KDM6A: variants seen among roughly 807,000 people sequenced by gnomAD.
KDM6A encodes lysine-specific demethylase 6A.
Under a neutral mutation model 117.6 loss-of-function variants are expected in KDM6A, and 11 were observed. The observed-to-expected ratio is 0.09, with a 90% CI of 0.06 to 0.15. KDM6A has a LOEUF of 0.15. Ranked by LOEUF, KDM6A falls within the 10% of genes least tolerant of loss-of-function variation. KDM6A has a pLI of 1.00. For missense variants in KDM6A, 799 were observed against 1,077.3 expected, an observed-to-expected ratio of 0.74 and a Z score of 3.62; for synonymous variants, 384 against 396.1, an observed-to-expected ratio of 0.97 and a Z score of 0.36.
chrX:44,875,125 T>C (rs1347844084), intron 2 of KDM6A, among the ~76,000 whole-genome samples: 1 of 112,453 alleles, frequency 8.9e-6, no homozygotes, highest in Non-Finnish European at 1.9e-5. Flanking sequence ...GAGTGTGTGC[T>C]ATGGGTGTTG....
chrX:44,898,422 G>A (rs2034061268), intron 2 of KDM6A, among the ~76,000 whole-genome samples: 1 of 111,801 alleles, frequency 8.9e-6, no homozygotes, highest in South Asian at 3.7e-4. Context: ...GTAGAAAGCT[G>A]ACTGACTCTA....
intron 4 of KDM6A, among the ~76,000 whole-genome samples, chrX:44,997,488 T>A (rs898763924): frequency 9.0e-6 from 1 of 111,700 alleles, no homozygotes; most frequent in Non-Finnish European, 1.9e-5. Context: ...ACCGATGTGT[T>A]CCTCTCGCCA....
chrX:45,029,264 A>G (rs1256654213), intron 6 of KDM6A, among the ~76,000 whole-genome samples: 1 of 110,234 alleles, frequency 9.1e-6, no homozygotes, highest in African/African-American at 3.3e-5. Context: ...ATGAAACCCT[A>G]TCCCTACTAA....
chrX:44,918,569 A>G (rs769293015), intron 2 of KDM6A, among the ~76,000 whole-genome samples: 7 of 111,726 alleles, frequency 6.3e-5, no homozygotes, highest in African/African-American at 2.3e-4. Context: ...AGAAATTTAA[A>G]AATTAAAAAT....
Position 44,993,849 on chromosome X carries a change from A to G in KDM6A, c.385-17112A>G, listed in dbSNP as rs541625412. 2.5e-3 allele frequency among the ~76,000 whole-genome samples: 280 copies of G among 111,572 alleles called. 2 individuals carry two copies. The highest frequency in any genetic ancestry group is 9.1e-3 in the African/African-American group (278 of 30,688). ...CCACCGCACTCCAGCCTGGAGACAGAGTGAGACTCCGTCTCAAGAAAAAAA... is the reference window on the plus strand; with the variant it reads ...CCACCGCACTCCAGCCTGGAGACAGGGTGAGACTCCGTCTCAAGAAAAAAA... On this transcript the variant is annotated intron_variant, in intron 4 of 29. Transcript: ENST00000611820.
intron 1 of KDM6A, 99 bp downstream of exon 1, chrX:44,873,811 G>C: frequency 3.5e-6 from 4 of 1,138,918 alleles, no homozygotes; most frequent in Non-Finnish European, 4.7e-6. Context: ...GGCGGGGCGG[G>C]CACCTCGGTT....
chrX:45,102,726 A>AAT (rs969114728), intron 27 of KDM6A, among the ~76,000 whole-genome samples: 4 of 112,000 alleles, frequency 3.6e-5, no homozygotes, highest in African/African-American at 1.3e-4. Flanking sequence ...TCTCATGGTT[A>AAT]ATATATATGT....
chrX:45,082,262 A>G (rs1402093686), intron 21 of KDM6A: 4 of 256,745 alleles, frequency 1.6e-5, no homozygotes, highest in Non-Finnish European at 6.9e-6. Context: ...GCAAAACCCC[A>G]TCTCTACCAA....
intron 2 of KDM6A, among the ~76,000 whole-genome samples, chrX:44,911,605 C>T (rs768078461): frequency 1.7e-4 from 19 of 112,261 alleles, no homozygotes; most frequent in African/African-American, 6.1e-4. Flanking sequence ...GAGAGACGCT[C>T]CTCACTTCCC....
chrX:45,006,081 T>A (rs1602544040), intron 4 of KDM6A, among the ~76,000 whole-genome samples: 1 of 96,813 alleles, frequency 1.0e-5, no homozygotes, highest in African/African-American at 3.8e-5. Flanking sequence ...TGGCTTCTCC[T>A]TCCTTGGTCT....
chrX:45,075,607 A>G (rs1228524964), intron 18 of KDM6A, among the ~76,000 whole-genome samples: 1 of 111,612 alleles, frequency 9.0e-6, no homozygotes, highest in African/African-American at 3.2e-5. Flanking sequence ...AACACCCATG[A>G]TGCTATTTAG....
intron 2 of KDM6A, among the ~76,000 whole-genome samples, chrX:44,913,027 A>G (rs2035307088): frequency 9.0e-6 from 1 of 111,591 alleles, no homozygotes; most frequent in Non-Finnish European, 1.9e-5. Flanking sequence ...TGATCTTTGG[A>G]TAACAAGGGT....
At chrX:45,040,286 T>C (rs1602680621) in intron 8 of KDM6A, among the ~76,000 whole-genome samples, 1 of 80,412 alleles carries the variant, frequency 1.2e-5, no homozygotes, top group African/African-American at 4.8e-5. Context: ...CCCCCCCACC[T>C]CCCTCCCGGA....
At chrX:44,977,703 T>G (rs1029830171) in intron 4 of KDM6A, among the ~76,000 whole-genome samples, 1 of 112,408 alleles carries the variant, frequency 8.9e-6, no homozygotes, top group Admixed American at 9.4e-5. Flanking sequence ...TTGTTTCTTC[T>G]TGGTCTTAAT....
intron 2 of KDM6A, among the ~76,000 whole-genome samples, chrX:44,879,190 T>A (rs2032000183): frequency 8.9e-6 from 1 of 112,468 alleles, no homozygotes; most frequent in African/African-American, 3.2e-5. Context: ...GTTTACATAG[T>A]ACCAATATTC....
chrX:44,979,326 C>T (rs1054774060), intron 4 of KDM6A, among the ~76,000 whole-genome samples: 1 of 109,820 alleles, frequency 9.1e-6, no homozygotes, highest in Admixed American at 9.8e-5. Flanking sequence ...TAACTTTAGC[C>T]CGTCTACCTA....
chrX:45,009,318 C>T (rs935390285), intron 4 of KDM6A, among the ~76,000 whole-genome samples: 2 of 111,995 alleles, frequency 1.8e-5, no homozygotes, highest in Non-Finnish European at 3.8e-5. Context: ...AGAGTTCTGA[C>T]GTTGTGATAG....
At position 45,037,678 on chromosome X, in the gene KDM6A, T is replaced by C. The variant is rs1402339766; in HGVS notation, c.643T>C (p.Tyr215His). 16 of 1,200,981 alleles carry C rather than the reference T, an allele frequency of 1.3e-5. No homozygotes were observed. Among genetic ancestry groups the C allele is most frequent in the Admixed American group, 1.1e-4 (5 of 46,023 alleles). Reference sequence around the variant, plus strand: ...AGTTCAATTTCACATTGCCCACTTATATGAAACCCAGGTAAGTATTTTAAC... The same window carrying C: ...AGTTCAATTTCACATTGCCCACTTACATGAAACCCAGGTAAGTATTTTAAC... ...AEIQFHIAHLYETQRKYHSAK... is the reference protein window; with the variant it reads ...AEIQFHIAHLHETQRKYHSAK... The change falls in exon 8 of 30, where the codon TAT becomes CAT. Residue 215 changes from tyrosine (Y) to histidine (H), a missense_variant. This residue lies in a region of KDM6A where 63 missense variants were observed against 68.2 expected (regional missense o/e 0.92). Transcript: ENST00000611820.
chrX:45,088,569 T>C (rs954489150), intron 25 of KDM6A, among the ~76,000 whole-genome samples: 23 of 113,622 alleles, frequency 2.0e-4, no homozygotes, highest in Admixed American at 1.8e-4. Flanking sequence ...GATAAAAAAT[T>C]AAATTTAAAC....
Sources: gnomAD v4.1 joint callset for allele counts (sites outside exome capture counted in the v4.1 genomes callset) on GRCh38, gnomAD v4.1.1 for gene constraint, gnomAD v4.1.1 regional missense constraint, MANE v1.5 for transcripts, NCBI Gene and HGNC (gene_info 2026-07-23, HGNC 2026-07-21) for gene names.